KIAA0825: variants seen among roughly 807,000 people sequenced by gnomAD.
KIAA0825 encodes KIAA0825.
KIAA0825 carries 119 observed loss-of-function variants against 147.6 expected under a neutral mutation model. That is an observed-to-expected ratio of 0.81 (90% CI 0.69 to 0.94). KIAA0825 has a LOEUF of 0.94. KIAA0825 is among the 40% of genes least tolerant of loss of function. KIAA0825 has a pLI of 0.00. For missense variants in KIAA0825, 1,381 were observed against 1,472.7 expected, an observed-to-expected ratio of 0.94 and a Z score of 1.02; for synonymous variants, 470 against 518.1, an observed-to-expected ratio of 0.91 and a Z score of 1.26.
chr5:94,377,600 TTTA>T (rs1419451539), intron 20 of KIAA0825, among the ~76,000 whole-genome samples: 1 of 152,190 alleles, frequency 6.6e-6, no homozygotes, highest in Non-Finnish European at 1.5e-5. Flanking sequence ...GAAAAGTACC[TTTA>T]TTATTTCAAA....
At chr5:94,284,195 G>A (rs1267805860) in intron 20 of KIAA0825, among the ~76,000 whole-genome samples, 1 of 151,928 alleles carries the variant, frequency 6.6e-6, no homozygotes, top group African/African-American at 2.4e-5. Context: ...TCCTCTTCTT[G>A]GACCTTTCAT....
chr5:94,349,123 C>T (rs1584209444), intron 20 of KIAA0825, among the ~76,000 whole-genome samples: 1 of 152,106 alleles, frequency 6.6e-6, no homozygotes, highest in East Asian at 1.9e-4. Flanking sequence ...AAATGGACAC[C>T]AAAAGCAAGC....
chr5:94,613,116 G>A (rs1034715973), intron 1 of KIAA0825, among the ~76,000 whole-genome samples: 4 of 152,068 alleles, frequency 2.6e-5, no homozygotes, highest in Admixed American at 6.6e-5. Flanking sequence ...ACATTGTCTC[G>A]TTTTGAACTT....
chr5:94,577,821 T>C (rs1303946943), intron 2 of KIAA0825, among the ~76,000 whole-genome samples: 2 of 152,234 alleles, frequency 1.3e-5, no homozygotes, highest in Admixed American at 6.5e-5. Context: ...TTTTCTGTAT[T>C]ACTTATGTAA....
intron 1 of KIAA0825, among the ~76,000 whole-genome samples, chr5:94,608,425 C>A (rs1190056894): frequency 8.5e-5 from 3 of 35,112 alleles, no homozygotes; most frequent in African/African-American, 1.2e-4. Context: ...CCACACCTGG[C>A]TAATTTTGTG....
chr5:94,539,872 A>G (rs1227799062), intron 2 of KIAA0825, among the ~76,000 whole-genome samples: 1 of 152,082 alleles, frequency 6.6e-6, no homozygotes, highest in Admixed American at 6.5e-5. Flanking sequence ...GTGAACTGCT[A>G]TTCTCTTTGG....
At chr5:94,310,926 GACTAACTAT>G (rs1779113056) in intron 20 of KIAA0825, among the ~76,000 whole-genome samples, 1 of 151,524 alleles carries the variant, frequency 6.6e-6, no homozygotes, top group Non-Finnish European at 1.5e-5. Context: ...CACTTAATAC[GACTAACTAT>G]ACACAGAAGA....
intron 20 of KIAA0825, among the ~76,000 whole-genome samples, chr5:94,363,174 CTTTT>C (rs70978103): frequency 7.4e-6 from 1 of 135,138 alleles, no homozygotes; most frequent in African/African-American, 2.6e-5. Flanking sequence ...AACCAGTTTT[CTTTT>C]TTTTTTTTTT....
intron 20 of KIAA0825, among the ~76,000 whole-genome samples, chr5:94,382,239 T>G (rs1748512841): frequency 6.6e-6 from 1 of 152,192 alleles, no homozygotes; most frequent in South Asian, 2.1e-4. Flanking sequence ...ATATATAACT[T>G]TCATTTTAAA....
Position 94,520,715 on chromosome 5 carries a change from A to C in KIAA0825, c.503T>G (p.Leu168Arg), listed in dbSNP as rs1267561696. ...TAATTTGCTCACTAAGAAGCGTCGA[A>C]GATGCAGTCTTATATCATCCCACAT... ...KSMWDDIRLH[L>R]RRFLVSKLQS... The change falls in exon 5 of 21, where the codon CTT becomes CGT. Residue 168 changes from leucine (L) to arginine (R), a missense_variant. Physicochemically the swap from Leu to Arg is moderately radical, Grantham distance 102. Coordinates refer to ENST00000682413, the MANE Select transcript of KIAA0825 (RefSeq NM_001145678.3). The C allele has an allele frequency of 6.2e-7, 1 of 1,613,444 alleles. No individual in the cohort carries two copies. The highest frequency in any genetic ancestry group is 1.1e-5 in the South Asian group (1 of 91,070).
At chr5:94,499,105 C>A (rs968638453) in intron 5 of KIAA0825, among the ~76,000 whole-genome samples, 1 of 152,094 alleles carries the variant, frequency 6.6e-6, no homozygotes, top group Non-Finnish European at 1.5e-5. Context: ...TTGCTCGTGG[C>A]AAAGCAGTTT....
chr5:94,315,596 C>T (rs1029969039), intron 20 of KIAA0825, among the ~76,000 whole-genome samples: 10 of 151,000 alleles, frequency 6.6e-5, no homozygotes, highest in South Asian at 2.1e-4. Flanking sequence ...GTATGTTAGT[C>T]GAAATACAAG....
chr5:94,519,460 CAACCACAATAAGAAAAGTTTATTATAT>C (rs2151203236), intron 5 of KIAA0825: 1 of 894,158 alleles, frequency 1.1e-6, no homozygotes, highest in Non-Finnish European at 1.3e-6. Context: ...TAGGAAAGTA[CAACCACAATAAGAAAAGTTTATTATAT>C]CACAATAACT....
At chr5:94,161,195 G>A (rs1038307338) in intron 20 of KIAA0825, among the ~76,000 whole-genome samples, 4 of 152,154 alleles carry the variant, frequency 2.6e-5, no homozygotes, top group African/African-American at 9.7e-5. Flanking sequence ...AAAGACTCAC[G>A]CTACTGCTAC....
intron 1 of KIAA0825, among the ~76,000 whole-genome samples, chr5:94,614,777 T>C (rs1379228566): frequency 1.3e-5 from 2 of 152,208 alleles, no homozygotes; most frequent in African/African-American, 2.4e-5. Flanking sequence ...GCCCTACATA[T>C]AATTATTTGT....
At chr5:94,254,355 G>A (rs2150125146) in intron 20 of KIAA0825, among the ~76,000 whole-genome samples, 2 of 152,118 alleles carry the variant, frequency 1.3e-5, no homozygotes, top group Middle Eastern at 3.4e-3. Context: ...ATTCCACAGG[G>A]GCCAGTTAGC....
chr5:94,588,266 T>G (rs1292879496), intron 1 of KIAA0825, among the ~76,000 whole-genome samples: 1 of 152,124 alleles, frequency 6.6e-6, no homozygotes, highest in Non-Finnish European at 1.5e-5. Flanking sequence ...ACCTACAGAA[T>G]GGGAGAAAAT....
chr5:94,618,386 C>T (rs926765789), intron 1 of KIAA0825, 114 bp downstream of exon 1: 2 of 152,822 alleles, frequency 1.3e-5, no homozygotes, highest in Admixed American at 6.5e-5. Flanking sequence ...TTGATGGGGA[C>T]TCCTTCTGGT....
intron 1 of KIAA0825, among the ~76,000 whole-genome samples, chr5:94,596,292 C>T (rs143938544): frequency 1.2e-3 from 189 of 152,318 alleles, no homozygotes; most frequent in African/African-American, 4.3e-3. Context: ...CTTCAAACTT[C>T]TGCATATGGC....
Sources: gnomAD v4.1 joint callset for allele counts (sites outside exome capture counted in the v4.1 genomes callset) on GRCh38, gnomAD v4.1.1 for gene constraint, MANE v1.5 for transcripts, NCBI Gene and HGNC (gene_info 2026-07-23, HGNC 2026-07-21) for gene names.